Variants in CSMD2 observed in about 807,000 individuals in gnomAD.
CSMD2 encodes the protein CUB and Sushi multiple domains 2, also known as CUB and sushi domain-containing protein 2.
A neutral mutation model predicts 398.5 loss-of-function variants in CSMD2; 130 were observed. That is an observed-to-expected ratio of 0.33 (90% confidence interval 0.28 to 0.38). CSMD2 has a LOEUF of 0.38. Ranked by LOEUF, CSMD2 falls within the 10% of genes least tolerant of loss-of-function variation. CSMD2 has a pLI of 1.00. For missense variants in CSMD2, 3,829 were observed against 4,764.9 expected (o/e 0.80, Z 5.78); for synonymous variants, 1,828 against 1,908.5 (o/e 0.96, Z 1.10).
rs571108042 is a variant in CSMD2 at position 33,739,273 on chromosome 1, G to A, written c.2235C>T (p.Asp745=). 4 of 1,614,180 alleles carry A rather than the reference G, an allele frequency of 2.5e-6. No individual in the cohort carries two copies. Among genetic ancestry groups the A allele is most frequent in the Non-Finnish European group, 3.4e-6 (4 of 1,180,012 alleles). The change falls in exon 15 of 71, where the codon GAC becomes GAT. Residue 745 remains aspartate, a synonymous_variant. Transcript: ENST00000373381. ...GVPVNGKRFG[D]SLQLGSSISF... is the part of the protein sequence containing the mutation. ...AGATGGAGCTGCCCAGCTGGAGGCT[G>A]TCCCCAAACCGTTTGCCATTTACTG...
At chr1:33,975,884 C>G (rs528449831) in intron 3 of CSMD2, among the ~76,000 whole-genome samples, 2 of 152,330 alleles carry the variant, frequency 1.3e-5, no homozygotes, top group African/African-American at 4.8e-5. Context: ...TCCTCGCTCC[C>G]TCCACCATTG....
chr1:33,692,568 T>C (rs969555022), intron 25 of CSMD2, among the ~76,000 whole-genome samples: 1 of 152,208 alleles, frequency 6.6e-6, no homozygotes, highest in Non-Finnish European at 1.5e-5. Context: ...AGATCCACAC[T>C]CTACAGAAGA....
At chr1:33,782,381 C>T (rs780250258) in intron 12 of CSMD2, among the ~76,000 whole-genome samples, 1 of 152,274 alleles carries the variant, frequency 6.6e-6, no homozygotes, top group Non-Finnish European at 1.5e-5. Context: ...TACTAAATGT[C>T]AGGCCCTATG....
intron 44 of CSMD2, 94 bp from the exon 45 acceptor site, chr1:33,587,262 A>T: frequency 1.1e-6 from 1 of 940,448 alleles, no homozygotes; most frequent in Non-Finnish European, 1.6e-6. Flanking sequence ...CTCATCCCTC[A>T]TTTATTCACA....
At chr1:33,739,015 C>T in intron 15 of CSMD2, 125 bp downstream of exon 15, 1 of 845,816 alleles carries the variant, frequency 1.2e-6, no homozygotes, top group Non-Finnish European at 1.8e-6. Context: ...AGAGAGTGGC[C>T]CTTCGTTCTG....
intron 5 of CSMD2, chr1:33,875,521 T>A (rs1202133629): frequency 2.0e-5 from 3 of 151,980 alleles, no homozygotes; most frequent in African/African-American, 7.3e-5. Flanking sequence ...TTGAACAAAG[T>A]TGGGTTTGCT....
chr1:33,880,709 G>A (rs1641177736), intron 5 of CSMD2, among the ~76,000 whole-genome samples: 1 of 152,206 alleles, frequency 6.6e-6, no homozygotes, highest in African/African-American at 2.4e-5. Context: ...CTTGTGGCAT[G>A]CTGTTTAAAG....
At chr1:33,652,106 A>G (rs1457702115) in intron 28 of CSMD2, among the ~76,000 whole-genome samples, 1 of 152,190 alleles carries the variant, frequency 6.6e-6, no homozygotes, top group East Asian at 1.9e-4. Flanking sequence ...ACAAATTACT[A>G]CAAGGATTAG....
In CSMD2 at chr1:33,658,046, G is replaced by C; in HGVS notation, c.4347C>G (p.Phe1449Leu). ...GCAGCGCGTAGCCAGGGTCACACTG[G>C]AACACTGTGGAGTCGCCGGCTTCCC... ...DSWEAGDSTVFQCDPGYALQG... is the reference protein window; with the variant it reads ...DSWEAGDSTVLQCDPGYALQG... The change falls in exon 27 of 71, where the codon TTC becomes TTG. Residue 1449 changes from phenylalanine (F) to leucine (L), a missense_variant. Coordinates refer to ENST00000373381, the MANE Select transcript of CSMD2 (RefSeq NM_001281956.2). 1 of 1,614,174 alleles carries C rather than the reference G, an allele frequency of 6.2e-7. No individual in the cohort carries two copies. The highest frequency in any genetic ancestry group is 8.5e-7 in the Non-Finnish European group (1 of 1,180,010).
intron 1 of CSMD2, among the ~76,000 whole-genome samples, chr1:34,104,612 G>A (rs1660340858): frequency 6.6e-6 from 1 of 152,172 alleles, no homozygotes; most frequent in African/African-American, 2.4e-5. Flanking sequence ...ACACAGCGGG[G>A]AGCTGCAGAT....
At chr1:33,964,946 G>C (rs1380168983) in intron 3 of CSMD2, among the ~76,000 whole-genome samples, 2 of 152,226 alleles carry the variant, frequency 1.3e-5, no homozygotes, top group Non-Finnish European at 2.9e-5. Context: ...GATCAGATGA[G>C]AACTTGCATT....
In CSMD2 at chr1:33,930,693, C is replaced by T. The variant is rs796823781; in HGVS notation, c.712+5067G>A. ...TGCTGAAATCCACATGATCTTCCCT[C>T]TTGTGGATCAAAGAGATGACACAAA... On this transcript the variant is annotated intron_variant, in intron 4 of 70. Coordinates refer to ENST00000373381, the MANE Select transcript of CSMD2 (RefSeq NM_001281956.2). 2.4e-4 allele frequency among the ~76,000 whole-genome samples: 36 copies of T among 152,328 alleles called. 1 individual carries two copies. The highest frequency in any genetic ancestry group is 8.4e-4 in the African/African-American group (35 of 41,576).
chr1:33,668,187 T>C (rs1472451742), intron 25 of CSMD2, among the ~76,000 whole-genome samples: 1 of 152,128 alleles, frequency 6.6e-6, no homozygotes, highest in Non-Finnish European at 1.5e-5. Flanking sequence ...GAGGCGACAC[T>C]GGGCCAGGAG....
At chr1:33,972,148 AG>A (rs1413129832) in intron 3 of CSMD2, among the ~76,000 whole-genome samples, 1 of 152,062 alleles carries the variant, frequency 6.6e-6, no homozygotes, top group Non-Finnish European at 1.5e-5. Context: ...TGGACAGCAG[AG>A]GGGGCAGTGG....
chr1:33,566,548 C>T (rs1659076472), intron 53 of CSMD2, among the ~76,000 whole-genome samples: 1 of 152,134 alleles, frequency 6.6e-6, no homozygotes, highest in African/African-American at 2.4e-5. Context: ...GCAATTTATA[C>T]TGCATACAAG....
intron 12 of CSMD2, among the ~76,000 whole-genome samples, chr1:33,776,561 C>T (rs1201317490): frequency 6.6e-6 from 1 of 152,024 alleles, no homozygotes; most frequent in African/African-American, 2.4e-5. Context: ...CTCTGGGGCC[C>T]GCCGAGGGTG....
At chr1:34,134,457 A>G (rs1055341312) in intron 1 of CSMD2, among the ~76,000 whole-genome samples, 9 of 152,226 alleles carry the variant, frequency 5.9e-5, no homozygotes, top group African/African-American at 2.2e-4. Flanking sequence ...TAGATTAGAA[A>G]TTATTATAAA....
At chr1:33,742,843 G>A (rs774989598) in intron 14 of CSMD2, among the ~76,000 whole-genome samples, 4 of 152,134 alleles carry the variant, frequency 2.6e-5, no homozygotes, top group South Asian at 2.1e-4. Flanking sequence ...GAGCAGCCCC[G>A]GCACGAACTC....
At chr1:34,027,517 G>T (rs1649806066) in intron 3 of CSMD2, among the ~76,000 whole-genome samples, 1 of 152,176 alleles carries the variant, frequency 6.6e-6, no homozygotes, top group South Asian at 2.1e-4. Context: ...GCACTTCCAA[G>T]AATTTATTCT....
Sources: gnomAD v4.1 joint callset for allele counts (sites outside exome capture counted in the v4.1 genomes callset) on GRCh38, gnomAD v4.1.1 for gene constraint, MANE v1.5 for transcripts, NCBI Gene and HGNC (gene_info 2026-07-23, HGNC 2026-07-21) for gene names.